SH2D4B: variants seen among roughly 807,000 people sequenced by gnomAD.
The protein encoded by SH2D4B is SH2 domain-containing protein 4B.
Under a neutral mutation model 61.5 loss-of-function variants are expected in SH2D4B, and 45 were observed. The observed-to-expected ratio is 0.73, with a 90% CI of 0.58 to 0.94. The LOEUF is 0.94. Ranked by LOEUF, SH2D4B falls within the 40% of genes least tolerant of loss-of-function variation. SH2D4B has a pLI of 0.00. For missense variants in SH2D4B, 572 were observed against 574.2 expected (o/e 1.00, Z 0.04); for synonymous variants, 224 against 220.4 (o/e 1.02, Z -0.14).
chr10:80,553,593 T>G (rs1841790273), intron 1 of SH2D4B, among the ~76,000 whole-genome samples: 1 of 152,212 alleles, frequency 6.6e-6, no homozygotes, highest in Admixed American at 6.5e-5. Context: ...GGGTTTGTTC[T>G]TGTTCTAGCA....
chr10:80,618,331 C>T (rs1842681966), intron 6 of SH2D4B, among the ~76,000 whole-genome samples: 3 of 152,184 alleles, frequency 2.0e-5, no homozygotes. Flanking sequence ...TCATGAACAG[C>T]AGCATTGGTG....
chr10:80,550,716 G>A (rs56298297), intron 1 of SH2D4B, among the ~76,000 whole-genome samples: 1 of 152,192 alleles, frequency 6.6e-6, no homozygotes, highest in Non-Finnish European at 1.5e-5. Context: ...AGGTGTCTTT[G>A]AATCAATGAA....
chr10:80,628,307 C>T (rs570864447), intron 6 of SH2D4B, among the ~76,000 whole-genome samples: 2 of 152,266 alleles, frequency 1.3e-5, no homozygotes, highest in African/African-American at 4.8e-5. Context: ...GTGCTATTCT[C>T]GTGATAGCAA....
chr10:80,634,402 G>A lies in SH2D4B; in HGVS notation c.1106G>A (p.Gly369Glu), dbSNP rs1295242262. Residue 369 changes from glycine (G) to glutamate (E), a missense_variant, in exon 7 of 8, where the codon GGG becomes GAG. By Grantham distance (98) the Gly-to-Glu change is moderately conservative. Coordinates refer to ENST00000646907, the MANE Select transcript of SH2D4B (RefSeq NM_001388272.1). ...GYTLSYRLQK[G>E]FKHFLVDASG... The stretch of plus-strand genomic sequence containing the variant: ...ACCCTCTCCTACCGCCTGCAGAAAG[G>A]GTTCAAACACTTTCTTGTGGATGCT... 2.6e-6 allele frequency: 4 copies of A among 1,550,486 alleles called. No homozygotes were observed. The highest frequency in any genetic ancestry group is 2.7e-5 in the African/African-American group (2 of 73,050).
intron 1 of SH2D4B, chr10:80,540,932 T>C: frequency 1.3e-6 from 2 of 1,538,076 alleles, no homozygotes; most frequent in Non-Finnish European, 1.8e-6. Flanking sequence ...CTCCAGATGC[T>C]GGTGAGACCC....
chr10:80,569,215 C>T (rs1431197409), intron 1 of SH2D4B, among the ~76,000 whole-genome samples: 1 of 152,134 alleles, frequency 6.6e-6, no homozygotes, highest in Non-Finnish European at 1.5e-5. Context: ...CATCTCACAC[C>T]ACCACCTGAT....
intron 4 of SH2D4B, among the ~76,000 whole-genome samples, chr10:80,589,537 T>A (rs575126198): frequency 6.6e-6 from 1 of 152,252 alleles, no homozygotes; most frequent in Admixed American, 6.5e-5. Context: ...AGACCTTGTC[T>A]CATATTCTAC....
chr10:80,599,690 A>G (rs1456256438), intron 4 of SH2D4B, among the ~76,000 whole-genome samples: 1 of 152,176 alleles, frequency 6.6e-6, no homozygotes, highest in Non-Finnish European at 1.5e-5. Context: ...ATAAGGGTTG[A>G]GAGAGCCCTT....
intron 3 of SH2D4B, among the ~76,000 whole-genome samples, chr10:80,587,371 T>C (rs112718695): frequency 0.11 from 16,569 of 151,822 alleles, 1,141 homozygotes; most frequent in African/African-American, 0.2. Flanking sequence ...ACCTCCTCCT[T>C]CCGGTTCAAG....
In SH2D4B at chr10:80,539,045, C is replaced by T. The variant is rs11185939; in HGVS notation, c.184+530C>T. On this transcript the variant is annotated intron_variant, in intron 1 of 7. Coordinates refer to ENST00000646907, the MANE Select transcript of SH2D4B (RefSeq NM_001388272.1). The surrounding 1 kb of genome is among the most constrained non-coding windows in gnomAD (Gnocchi z 4.9). ...TGTCTCTGGAGCCCCACTGGGCATC[C>T]GGAGAGAGGGCATCAGGGAACGTCC... Among the ~76,000 whole-genome samples the T allele has an allele frequency of 0.1, 15,842 of 152,250 alleles. 1,099 individuals are homozygous for T. The highest frequency in any genetic ancestry group is 0.21 in the East Asian group (1,071 of 5,168).
rs375171135 is a variant in SH2D4B, at chr10:80,617,971, G to A, written c.988+8420G>A. Among the ~76,000 whole-genome samples, 26 of 152,342 alleles carry A rather than the reference G, an allele frequency of 1.7e-4. No individual in the cohort carries two copies. In the South Asian group the frequency reaches 4.1e-3, roughly 24 times the overall value. On this transcript the variant is annotated intron_variant, in intron 6 of 7. Coordinates refer to ENST00000646907, the MANE Select transcript of SH2D4B (RefSeq NM_001388272.1). ...TGGACCAGTCACTGTGGTCAGGCAGGTGATCTGCCTTGATTAGCTAGCCCT... is the reference window on the plus strand; with the variant it reads ...TGGACCAGTCACTGTGGTCAGGCAGATGATCTGCCTTGATTAGCTAGCCCT...
chr10:80,593,141 T>G (rs1842350934), intron 4 of SH2D4B, among the ~76,000 whole-genome samples: 1 of 152,212 alleles, frequency 6.6e-6, no homozygotes, highest in Non-Finnish European at 1.5e-5. Flanking sequence ...GAGACCTCCA[T>G]GTTTGTTCTT....
chr10:80,572,973 TATATATA>T (rs1564771954), intron 3 of SH2D4B, among the ~76,000 whole-genome samples: 134 of 11,792 alleles, frequency 0.011, 6 homozygotes, highest in African/African-American at 0.036. Flanking sequence ...TATATATATA[TATATATA>T]TATATATTTT....
At chr10:80,605,243 T>A (rs1842505136) in intron 5 of SH2D4B, among the ~76,000 whole-genome samples, 1 of 151,938 alleles carries the variant, frequency 6.6e-6, no homozygotes, top group Admixed American at 6.6e-5. Context: ...TTAACTAGTT[T>A]TTAGAAGGCT....
intron 6 of SH2D4B, among the ~76,000 whole-genome samples, chr10:80,624,003 G>A (rs1029506682): frequency 8.5e-5 from 13 of 152,064 alleles, no homozygotes; most frequent in African/African-American, 3.1e-4. Context: ...TTTATTTAAC[G>A]ACGGGGGCTG....
chr10:80,604,009 A>G (rs985849148), intron 5 of SH2D4B, among the ~76,000 whole-genome samples: 3 of 152,134 alleles, frequency 2.0e-5, no homozygotes, highest in African/African-American at 4.8e-5. Flanking sequence ...GGGAGCTTTG[A>G]CCTTTTTAAG....
intron 7 of SH2D4B, among the ~76,000 whole-genome samples, chr10:80,637,746 C>T (rs937700057): frequency 1.3e-5 from 2 of 152,352 alleles, no homozygotes; most frequent in African/African-American, 2.4e-5. Flanking sequence ...AACAATTTGA[C>T]TTCCTCTTTT....
chr10:80,588,602 G>T (rs745846026), intron 3 of SH2D4B, 28 bp from the exon 4 acceptor site: 1 of 1,611,546 alleles, frequency 6.2e-7, no homozygotes, highest in East Asian at 2.2e-5. Flanking sequence ...TGGTCATCTC[G>T]TGTTGTTCTG....
At position 80,637,352 on chromosome 10, in the gene SH2D4B, G is replaced by A. The variant is rs1238133379; in HGVS notation, c.1209+2847G>A. On this transcript the variant is annotated intron_variant, in intron 7 of 7. Transcript: ENST00000646907. ...AGTCATTGGTAGTTTGATGGGGATG[G>A]CATTGAATCTATAAATTACCTTGGG... Among the ~76,000 whole-genome samples the A allele has an allele frequency of 2.6e-5, 4 of 152,234 alleles. No homozygotes were observed. In the East Asian group the frequency reaches 5.8e-4, roughly 22 times the overall value.
Sources: allele counts gnomAD v4.1 joint callset (sites outside exome capture counted in the v4.1 genomes callset), GRCh38; gene constraint gnomAD v4.1.1; non-coding constraint Gnocchi (gnomAD v3.1); transcripts MANE v1.5; gene names NCBI Gene and HGNC (gene_info 2026-07-23, HGNC 2026-07-21).